Variants in SGCD observed in about 807,000 individuals in gnomAD.
The protein encoded by SGCD is delta-sarcoglycan.
A neutral mutation model predicts 36.6 loss-of-function variants in SGCD; 18 were observed. The ratio of observed to expected loss-of-function variants is 0.49; its 90% CI spans 0.34 to 0.73. The LOEUF is 0.73. SGCD is among the 30% of genes least tolerant of loss of function. SGCD has a pLI of 0.01. For missense variants in SGCD, 387 were observed against 346.7 expected (o/e 1.12, Z -0.92); for synonymous variants, 133 against 130.6 (o/e 1.02, Z -0.12).
chr5:156,487,804 AAAAAAAAAAAAAG>A lies in SGCD; in HGVS notation c.193-20793_193-20781del, dbSNP rs1561728581. Among the ~76,000 whole-genome samples, 31 of 135,366 alleles carry A rather than the reference AAAAAAAAAAAAAG, an allele frequency of 2.3e-4. 3 individuals carry two copies. The South Asian group carries it at 6.6e-3, about 29-fold the overall frequency. 88.8% of individuals were successfully genotyped at this position (135,366 alleles called of 152,430 possible). A position where few individuals can be genotyped will look rare whatever the true frequency, so the allele number is the denominator to read the frequency against. Reference sequence around the variant, plus strand: ...CTCTGTCACCAAAAAAAAAAAAAAAAAAAAAAAAAAAAGAAAGAAAGAAAAAGCTTAACAAAAA... The same window carrying A: ...CTCTGTCACCAAAAAAAAAAAAAAAAAAAGAAAGAAAAAGCTTAACAAAAA... On this transcript the variant is annotated intron_variant, in intron 3 of 8. Coordinates refer to ENST00000337851, the MANE Select transcript of SGCD (RefSeq NM_000337.6).
intron 1 of SGCD, among the ~76,000 whole-genome samples, chr5:156,051,720 T>C (rs1759920739): frequency 6.9e-6 from 1 of 144,608 alleles, no homozygotes; most frequent in African/African-American, 2.5e-5. Flanking sequence ...AAATGAGCAC[T>C]CGTGGTAGGA....
rs148928478 is a variant in SGCD at position 156,049,550 on chromosome 5, A to G, written c.-281-68328A>G. Among the ~76,000 whole-genome samples the G allele has an allele frequency of 1.8e-3, 257 of 146,428 alleles. 18 individuals are homozygous for G. The highest frequency in any genetic ancestry group is 6.0e-3 in the African/African-American group (245 of 40,792). ...TGAAGAGCACTAAACGTGGAAAGGA[A>G]CAACCAGTACCAGCCACTGCAAAAA... On this transcript the variant is annotated intron_variant, in intron 1 of 9. Coordinates refer to the SGCD transcript ENST00000517913.
intron 3 of SGCD, among the ~76,000 whole-genome samples, chr5:156,406,990 A>G (rs1035887355): frequency 1.3e-5 from 2 of 151,714 alleles, no homozygotes; most frequent in Admixed American, 6.6e-5. Flanking sequence ...CAAAGGCAGG[A>G]AGCATCCAGC....
intron 7 of SGCD, among the ~76,000 whole-genome samples, chr5:156,681,618 T>C (rs1303426328): frequency 6.6e-6 from 1 of 152,088 alleles, no homozygotes; most frequent in Non-Finnish European, 1.5e-5. Context: ...GTCAACAGGG[T>C]ATTTGGGGCA....
At chr5:156,246,659 G>A (rs751623337) in intron 3 of SGCD, among the ~76,000 whole-genome samples, 5 of 152,154 alleles carry the variant, frequency 3.3e-5, no homozygotes, top group Non-Finnish European at 5.9e-5. Flanking sequence ...AGAATATAGA[G>A]TATCACTATA....
the SGCD span, among the ~76,000 whole-genome samples, chr5:155,855,876 G>T: frequency 6.6e-6 from 1 of 152,010 alleles, no homozygotes; most frequent in Non-Finnish European, 1.5e-5. Flanking sequence ...ATAATCCAGA[G>T]ATTTTTAGCA....
chr5:156,621,260 C>A (rs185932068), intron 6 of SGCD, among the ~76,000 whole-genome samples: 2 of 152,124 alleles, frequency 1.3e-5, no homozygotes, highest in Non-Finnish European at 2.9e-5. Context: ...GGCACAATCT[C>A]GGCTTACTGC....
At chr5:155,776,749 C>T in the SGCD span, among the ~76,000 whole-genome samples, 37 of 149,072 alleles carry the variant, frequency 2.5e-4, no homozygotes, top group Admixed American at 2.0e-3. Context: ...TGATATTTTT[C>T]GGGCAAAATG....
chr5:155,996,863 GGATAGATAGATAGATA>G lies in SGCD; in HGVS notation c.-281-120984_-281-120969del, dbSNP rs10696253. On this transcript the variant is annotated intron_variant, in intron 1 of 9. Coordinates refer to the SGCD transcript ENST00000517913. Reference sequence around the variant, plus strand: ...TGGTAAATCTGATATCTGGATGGATGGATAGATAGATAGATAGATAGATAGATAGATAGATAGATAG... The same window carrying G: ...TGGTAAATCTGATATCTGGATGGATGGATAGATAGATAGATAGATAGATAG... 4.6e-3 allele frequency among the ~76,000 whole-genome samples: 614 copies of G among 133,466 alleles called. 4 individuals carry two copies. Among genetic ancestry groups the G allele is most frequent in the African/African-American group, 0.012 (454 of 37,800 alleles). The allele number at this position is 133,466 out of a possible 152,430, so 87.6% of individuals were successfully genotyped here.
chr5:155,866,402 A>G (rs372018496), upstream of SGCD, among the ~76,000 whole-genome samples: 18 of 152,304 alleles, frequency 1.2e-4, 1 homozygote, highest in African/African-American at 4.3e-4. Flanking sequence ...AAAGCCAAAC[A>G]ATACCTTAGT....
rs75204428 is a variant in SGCD at position 156,376,073 on chromosome 5, T to C, written c.192+31396T>C. On this transcript the variant is annotated intron_variant, in intron 3 of 8. Transcript: ENST00000337851. The stretch of plus-strand genomic sequence containing the variant: ...ACCGTGTGAGGCAAACACTAGATTC[T>C]GTAACAGGCAAATCTATGTCAGCAG... Among the ~76,000 whole-genome samples, 1,390 of 152,332 alleles carry C rather than the reference T, an allele frequency of 9.1e-3. 23 individuals are homozygous for C. Among genetic ancestry groups the C allele is most frequent in the African/African-American group, 0.031 (1,306 of 41,570 alleles).
intron 7 of SGCD, among the ~76,000 whole-genome samples, chr5:156,671,514 T>C (rs1365929697): frequency 6.6e-6 from 1 of 152,078 alleles, no homozygotes; most frequent in Non-Finnish European, 1.5e-5. Context: ...CCTCAGGTGA[T>C]CCACCCACCT....
chr5:156,713,137 G>T (rs187417573), intron 7 of SGCD, among the ~76,000 whole-genome samples: 1 of 152,164 alleles, frequency 6.6e-6, no homozygotes, highest in East Asian at 1.9e-4. Context: ...TATGAGTGAG[G>T]AGATACTCCC....
chr5:155,983,497 AC>A (rs948365065), intron 1 of SGCD, among the ~76,000 whole-genome samples: 2 of 152,162 alleles, frequency 1.3e-5, no homozygotes, highest in African/African-American at 4.8e-5. Context: ...ATGGGGTTTC[AC>A]CATGTGGAGC....
At chr5:156,085,582 T>C (rs1010007991) in intron 1 of SGCD, among the ~76,000 whole-genome samples, 37 of 152,344 alleles carry the variant, frequency 2.4e-4, no homozygotes, top group Admixed American at 9.8e-4. Flanking sequence ...CTTTATAAAT[T>C]ACCCAGTTTC....
intron 3 of SGCD, among the ~76,000 whole-genome samples, chr5:156,321,671 GT>G (rs1477904045): frequency 1.3e-5 from 2 of 152,046 alleles, no homozygotes; most frequent in African/African-American, 4.8e-5. Context: ...CATTCTCCTG[GT>G]CACATGGATG....
At chr5:156,240,331 C>G (rs939653891) in intron 3 of SGCD, among the ~76,000 whole-genome samples, 28 of 152,104 alleles carry the variant, frequency 1.8e-4, no homozygotes, top group Admixed American at 1.8e-3. Context: ...AAGCTGTTTT[C>G]TGTTGATCAA....
chr5:156,623,212 T>G (rs61044856), intron 6 of SGCD, among the ~76,000 whole-genome samples: 2,269 of 152,196 alleles, frequency 0.015, 38 homozygotes, highest in African/African-American at 0.031. Flanking sequence ...AGTATTGCAG[T>G]GGGCACTGTG....
intron 3 of SGCD, among the ~76,000 whole-genome samples, chr5:156,392,976 A>C (rs1316734955): frequency 6.6e-6 from 1 of 152,014 alleles, no homozygotes; most frequent in Non-Finnish European, 1.5e-5. Context: ...GTGGCGGGGA[A>C]ATTCAACATT....
Sources: allele counts gnomAD v4.1 joint callset (sites outside exome capture counted in the v4.1 genomes callset), GRCh38; gene constraint gnomAD v4.1.1; transcripts MANE v1.5; gene names NCBI Gene and HGNC (gene_info 2026-07-23, HGNC 2026-07-21).